Variants in STIMATE observed in about 807,000 individuals in gnomAD.
STIMATE encodes the protein store-operated calcium entry regulator STIMATE.
In STIMATE, 15 loss-of-function variants were observed where a neutral mutation model predicts 36.7. The observed-to-expected ratio is 0.41, with a 90% CI of 0.27 to 0.63. The LOEUF is 0.63. Ranked by LOEUF, STIMATE falls within the 20% of genes least tolerant of loss-of-function variation. STIMATE has a pLI of 0.32. For missense variants in STIMATE, 305 were observed against 397.3 expected (o/e 0.77, Z 1.98); for synonymous variants, 163 against 162.3 (o/e 1.00, Z -0.03).
chr3:52,853,199 C>T (rs1026318930), intron 2 of STIMATE, among the ~76,000 whole-genome samples: 1 of 152,152 alleles, frequency 6.6e-6, no homozygotes, highest in African/African-American at 2.4e-5. Context: ...AGGTTTTGTG[C>T]GCCATATGAT....
chr3:52,875,578 T>A (rs1304067614), intron 1 of STIMATE, among the ~76,000 whole-genome samples: 1 of 152,170 alleles, frequency 6.6e-6, no homozygotes, highest in Non-Finnish European at 1.5e-5. Flanking sequence ...GAGAACAGAA[T>A]GAATAACGGG....
intron 3 of STIMATE, 69 bp from the exon 4 acceptor site, chr3:52,849,982 G>A: frequency 6.5e-7 from 1 of 1,550,156 alleles, no homozygotes; most frequent in Non-Finnish European, 8.7e-7. Context: ...CTGATGCAGG[G>A]TGGCCTGAGG....
intron 4 of STIMATE, among the ~76,000 whole-genome samples, chr3:52,846,061 C>G (rs1700893626): frequency 6.6e-6 from 1 of 152,252 alleles, no homozygotes. Context: ...CCTGTTTGGG[C>G]ACCCATGCTG....
At chr3:52,893,755 CTA>C (rs1265724384) in intron 1 of STIMATE, among the ~76,000 whole-genome samples, 1 of 152,186 alleles carries the variant, frequency 6.6e-6, no homozygotes, top group Non-Finnish European at 1.5e-5. Flanking sequence ...GGCCCCATGT[CTA>C]TAACAAAAAT....
chr3:52,889,385 C>A (rs570804379), intron 1 of STIMATE, among the ~76,000 whole-genome samples: 2 of 152,322 alleles, frequency 1.3e-5, no homozygotes, highest in South Asian at 4.1e-4. Context: ...CTGAAAGTAT[C>A]TCTACCTTCT....
At chr3:52,846,928 G>A (rs571146666) in intron 4 of STIMATE, among the ~76,000 whole-genome samples, 3 of 152,242 alleles carry the variant, frequency 2.0e-5, no homozygotes, top group African/African-American at 7.2e-5. Flanking sequence ...CTTAGAGATG[G>A]GGTCTCACTC....
chr3:52,875,478 A>T (rs140882731), intron 1 of STIMATE, among the ~76,000 whole-genome samples: 1 of 152,274 alleles, frequency 6.6e-6, no homozygotes, highest in Non-Finnish European at 1.5e-5. Context: ...CAGTGGCCCC[A>T]TCACACAGCA....
At chr3:52,868,840 G>A (rs901189947) in intron 1 of STIMATE, among the ~76,000 whole-genome samples, 1 of 152,054 alleles carries the variant, frequency 6.6e-6, no homozygotes, top group African/African-American at 2.4e-5. Flanking sequence ...GGATGGTCTC[G>A]AATTCCTGAC....
At chr3:52,889,762 C>T (rs1040613619) in intron 1 of STIMATE, among the ~76,000 whole-genome samples, 1 of 152,144 alleles carries the variant, frequency 6.6e-6, no homozygotes, top group Non-Finnish European at 1.5e-5. Flanking sequence ...GTGTATGTTT[C>T]TCAGGGGCTG....
chr3:52,840,769 G>A (rs1320650940), intron 7 of STIMATE, among the ~76,000 whole-genome samples, 159 bp from the exon 8 acceptor site: 5 of 146,266 alleles, frequency 3.4e-5, no homozygotes, highest in East Asian at 2.0e-4. Flanking sequence ...GCACGATCTC[G>A]CCTCACTGCA....
chr3:52,855,954 C>T (rs1040811507), intron 1 of STIMATE, among the ~76,000 whole-genome samples: 11 of 152,192 alleles, frequency 7.2e-5, no homozygotes, highest in African/African-American at 1.4e-4. Flanking sequence ...TGTCGCAGAA[C>T]GATGGCACAA....
At chr3:52,855,471 T>C in intron 1 of STIMATE, 27 bp from the exon 2 acceptor site, 1 of 1,613,982 alleles carries the variant, frequency 6.2e-7, no homozygotes, top group Non-Finnish European at 8.5e-7. Flanking sequence ...ACATCAGTAG[T>C]TTTCCAAAGA....
At chr3:52,886,344 T>C (rs1433271825) in intron 1 of STIMATE, among the ~76,000 whole-genome samples, 1 of 152,224 alleles carries the variant, frequency 6.6e-6, no homozygotes, top group Non-Finnish European at 1.5e-5. Context: ...AGTCCTGCAG[T>C]GAGGCCCACT....
chr3:52,847,695 T>A (rs1159180620), intron 4 of STIMATE: 1 of 527,174 alleles, frequency 1.9e-6, no homozygotes, highest in Non-Finnish European at 3.2e-6. Flanking sequence ...GTTGCCTACA[T>A]CCAAATCCCT....
intron 7 of STIMATE, 142 bp from the exon 8 acceptor site, chr3:52,840,752 T>C: frequency 1.3e-6 from 1 of 776,656 alleles, no homozygotes. Flanking sequence ...CAGGCTAGAG[T>C]GCAATGGCAC....
intron 1 of STIMATE, among the ~76,000 whole-genome samples, chr3:52,864,804 C>T (rs1701275625): frequency 6.6e-6 from 1 of 152,184 alleles, no homozygotes; most frequent in African/African-American, 2.4e-5. Flanking sequence ...AAAGTGCCAC[C>T]AGTCTCTTTG....
chr3:52,873,074 G>A (rs535249359), intron 1 of STIMATE, among the ~76,000 whole-genome samples: 5 of 152,316 alleles, frequency 3.3e-5, no homozygotes, highest in Admixed American at 6.5e-5. Context: ...AGGTTTGGCC[G>A]AAGGCTGAGA....
intron 1 of STIMATE, among the ~76,000 whole-genome samples, chr3:52,858,945 G>C (rs1298749481): frequency 2.0e-5 from 3 of 152,018 alleles, no homozygotes; most frequent in Non-Finnish European, 4.4e-5. Flanking sequence ...GATCACCTGA[G>C]GTCAGGAGTT....
At chr3:52,868,707 C>T (rs1206264761) in intron 1 of STIMATE, among the ~76,000 whole-genome samples, 1 of 152,218 alleles carries the variant, frequency 6.6e-6, no homozygotes, top group Non-Finnish European at 1.5e-5. Context: ...ACTGAAACCT[C>T]CGCCTCCTGG....
Sources: gnomAD v4.1 joint callset for allele counts (sites outside exome capture counted in the v4.1 genomes callset) on GRCh38, gnomAD v4.1.1 for gene constraint, MANE v1.5 for transcripts, NCBI Gene and HGNC (gene_info 2026-07-23, HGNC 2026-07-21) for gene names.